Variants in BLACAT1 observed in about 807,000 individuals in gnomAD.
The protein encoded by BLACAT1 is BLACAT1 overlapping LEMD1 locus, also known as bladder cancer associated transcript 1.
At chr1:205,445,882 CTTTATA>C (rs1476936850) in intron 1 of BLACAT1, among the ~76,000 whole-genome samples, 4 of 152,146 alleles carry the variant, frequency 2.6e-5, no homozygotes, top group Non-Finnish European at 4.4e-5. Context: ...CCCCAATAGT[CTTTATA>C]TTTAGGAAGG....
intron 1 of BLACAT1, among the ~76,000 whole-genome samples, chr1:205,443,954 G>GT (rs1666339872): frequency 1.3e-5 from 2 of 152,138 alleles, no homozygotes; most frequent in African/African-American, 4.8e-5. Flanking sequence ...CAGGAGTCCT[G>GT]TCGACTCTCT....
intron 1 of BLACAT1, among the ~76,000 whole-genome samples, chr1:205,447,206 C>T (rs183219990): frequency 1.0e-3 from 152 of 152,322 alleles, no homozygotes; most frequent in African/African-American, 2.8e-3. Context: ...TCCATATGAA[C>T]GTGGGCCAAT....
At position 205,448,978 on chromosome 1, in the gene BLACAT1, G is replaced by C. The variant is rs144452478; in HGVS notation, c.-37+6939C>G. 7.6e-3 allele frequency among the ~76,000 whole-genome samples: 1,155 copies of C among 152,222 alleles called. 21 individuals are homozygous for C. Among genetic ancestry groups the C allele is most frequent in the Non-Finnish European group, 0.01 (694 of 67,990 alleles). On this transcript the variant is annotated intron_variant, in intron 1 of 1. Transcript: ENST00000629624. This position sits in a 1 kb window ranked among gnomAD's most constrained non-coding sequence, Gnocchi z 4.7. ...GGGCCAACCTACCCAGACCAGTCTG[G>C]GTGGTTACCGACAACACCCATTCTT... is the stretch of plus-strand genomic sequence containing the variant.
chr1:205,452,209 G>A (rs1197714482), intron 1 of BLACAT1, among the ~76,000 whole-genome samples: 1 of 152,172 alleles, frequency 6.6e-6, no homozygotes, highest in Non-Finnish European at 1.5e-5. Context: ...CTGGGGAGCA[G>A]GCTGCAGCAA....
intron 1 of BLACAT1, among the ~76,000 whole-genome samples, chr1:205,454,259 T>C (rs1666534773): frequency 6.6e-6 from 1 of 152,174 alleles, no homozygotes; most frequent in South Asian, 2.1e-4. Flanking sequence ...AGCAGTCACG[T>C]CAGCAGGACT....
chr1:205,453,291 C>T (rs1453899798), intron 1 of BLACAT1, among the ~76,000 whole-genome samples: 3 of 152,170 alleles, frequency 2.0e-5, no homozygotes, highest in Non-Finnish European at 4.4e-5. Flanking sequence ...CTGCACTAGA[C>T]CAGCAGTGTG....
At chr1:205,436,488 C>T (rs1030124759), downstream of BLACAT1, 1 of 141,124 alleles carries the variant, frequency 7.1e-6, no homozygotes, top group African/African-American at 2.6e-5. Context: ...AACCCCGGCA[C>T]AGTGGGCACT....
At chr1:205,440,119 G>A (rs982860522) in exon 2 of BLACAT1, among the ~76,000 whole-genome samples, 2 of 152,176 alleles carry the variant, frequency 1.3e-5, no homozygotes, top group Admixed American at 1.3e-4. Context: ...GGAGGGCACG[G>A]CTCAGTCCAG....
intron 1 of BLACAT1, among the ~76,000 whole-genome samples, chr1:205,442,768 G>C (rs1666317076): frequency 6.6e-6 from 1 of 152,126 alleles, no homozygotes; most frequent in Admixed American, 6.5e-5. Flanking sequence ...GATATATATA[G>C]AGCCAAGACA....
intron 1 of BLACAT1, among the ~76,000 whole-genome samples, chr1:205,445,185 CCTCCCTCTCCCT>C (rs967373487): frequency 6.6e-6 from 1 of 152,100 alleles, no homozygotes; most frequent in Non-Finnish European, 1.5e-5. Context: ...CTCCCCACCT[CCTCCCTCTCCCT>C]CTCCCTCTGG....
chr1:205,452,677 T>C (rs1666512925), intron 1 of BLACAT1, among the ~76,000 whole-genome samples: 1 of 152,194 alleles, frequency 6.6e-6, no homozygotes, highest in South Asian at 2.1e-4. Flanking sequence ...ACTCATCCTC[T>C]CAGAGCCTTT....
chr1:205,450,857 A>G lies in BLACAT1; in HGVS notation c.-37+5060T>C, dbSNP rs2102479493. ...AACCTCACTTGAAATATGGAGAAAG[A>G]GGAAGCAGGTCAAGCCTCACCTCCT... On this transcript the variant is annotated intron_variant, in intron 1 of 1. Transcript: ENST00000629624. This position sits in a 1 kb window ranked among gnomAD's most constrained non-coding sequence, Gnocchi z 4.4. 6.6e-6 allele frequency among the ~76,000 whole-genome samples: 1 copy of G among 152,326 alleles called. No homozygotes were observed. The highest frequency in any genetic ancestry group is 6.5e-5 in the Admixed American group (1 of 15,312).
intron 1 of BLACAT1, among the ~76,000 whole-genome samples, chr1:205,444,949 CT>C (rs1330277256): frequency 1.3e-5 from 2 of 151,566 alleles, no homozygotes; most frequent in Non-Finnish European, 2.9e-5. Context: ...AGGGTGTGCC[CT>C]CGACGCCTCT....
Position 205,450,965 on chromosome 1 carries a change from C to T in BLACAT1, c.-37+4952G>A, listed in dbSNP as rs75495716. On this transcript the variant is annotated intron_variant, in intron 1 of 1. Transcript: ENST00000629624. This position sits in a 1 kb window ranked among gnomAD's most constrained non-coding sequence, Gnocchi z 4.4. ...TGCTGGGCGAGAACCTCGAGGACTC[C>T]CTCTCCTCAAGATGGGGCCATGCCC... Among the ~76,000 whole-genome samples, 1,052 of 152,306 alleles carry T rather than the reference C, an allele frequency of 6.9e-3. 9 individuals carry two copies. Among genetic ancestry groups the T allele is most frequent in the Non-Finnish European group, 0.011 (781 of 68,028 alleles).
chr1:205,442,151 G>A (rs1442570638), intron 1 of BLACAT1, among the ~76,000 whole-genome samples: 2 of 152,184 alleles, frequency 1.3e-5, no homozygotes, highest in Non-Finnish European at 2.9e-5. Flanking sequence ...CGCCCTGCGT[G>A]GAGGTCAGGC....
At chr1:205,453,748 T>A (rs946245053) in intron 1 of BLACAT1, among the ~76,000 whole-genome samples, 1 of 152,120 alleles carries the variant, frequency 6.6e-6, no homozygotes, top group Non-Finnish European at 1.5e-5. Flanking sequence ...GGTTGGGCTG[T>A]GGGAGGGAGG....
At chr1:205,455,568 A>C (rs1227785977) in intron 1 of BLACAT1, among the ~76,000 whole-genome samples, 1 of 152,134 alleles carries the variant, frequency 6.6e-6, no homozygotes, top group Non-Finnish European at 1.5e-5. Flanking sequence ...AGCGGGTTTC[A>C]CTCAGCGGGG....
chr1:205,454,925 G>C (rs935131469), intron 1 of BLACAT1, among the ~76,000 whole-genome samples: 1 of 152,166 alleles, frequency 6.6e-6, no homozygotes, highest in Non-Finnish European at 1.5e-5. Context: ...TGTTAATGAG[G>C]GTTGAGGAAA....
intron 1 of BLACAT1, among the ~76,000 whole-genome samples, chr1:205,442,787 A>G (rs1666317492): frequency 6.6e-6 from 1 of 152,102 alleles, no homozygotes; most frequent in South Asian, 2.1e-4. Context: ...CACAACTACT[A>G]TATTTCTAGA....
Sources: gnomAD v4.1 joint callset for allele counts (sites outside exome capture counted in the v4.1 genomes callset) on GRCh38, gnomAD v4.1.1 for gene constraint, Gnocchi (gnomAD v3.1) non-coding constraint, MANE v1.5 for transcripts, NCBI Gene and HGNC (gene_info 2026-07-23, HGNC 2026-07-21) for gene names.